Variants in CDK14 observed in about 807,000 individuals in gnomAD.
The protein encoded by CDK14 is cyclin-dependent kinase 14.
In CDK14, 34 loss-of-function variants were observed where a neutral mutation model predicts 60.7. The observed-to-expected ratio is 0.56, with a 90% CI of 0.43 to 0.75. The LOEUF is 0.75. Ranked by LOEUF, CDK14 falls within the 30% of genes least tolerant of loss-of-function variation. CDK14 has a pLI of 0.00. For synonymous variants in CDK14, 197 were observed against 203.7 expected (o/e 0.97, Z 0.28); for missense variants, 482 against 564.1 (o/e 0.85, Z 1.47).
At chr7:90,961,154 T>G (rs1451687671) in intron 9 of CDK14, among the ~76,000 whole-genome samples, 1 of 152,170 alleles carries the variant, frequency 6.6e-6, no homozygotes, top group Non-Finnish European at 1.5e-5. Context: ...AATTTGGTCT[T>G]TATTTTACCA....
At chr7:90,684,190 A>G (rs888372260) in intron 2 of CDK14, among the ~76,000 whole-genome samples, 8 of 152,222 alleles carry the variant, frequency 5.3e-5, no homozygotes, top group Non-Finnish European at 7.3e-5. Context: ...TAATAAAAAG[A>G]GTTTAGAGTT....
intron 10 of CDK14, among the ~76,000 whole-genome samples, chr7:91,017,587 A>G (rs1034531677): frequency 5.9e-5 from 9 of 152,294 alleles, no homozygotes; most frequent in African/African-American, 2.2e-4. Flanking sequence ...TGCTGCCTGA[A>G]TGATGGACTT....
At position 90,757,481 on chromosome 7, in the gene CDK14, G is replaced by T. The variant is rs375242660; in HGVS notation, c.464+9706G>T. Among the ~76,000 whole-genome samples the T allele has an allele frequency of 4.6e-5, 7 of 152,062 alleles. No individual in the cohort carries two copies. The East Asian group carries it at 1.2e-3, about 25-fold the overall frequency. On this transcript the variant is annotated intron_variant, in intron 4 of 14. Transcript: ENST00000380050. Reference sequence around the variant, plus strand: ...CTCACTAACTTGGCATTGCATTCATGACAGTGTTGTTCTTTTTCTGCCTGT... The same window carrying T: ...CTCACTAACTTGGCATTGCATTCATTACAGTGTTGTTCTTTTTCTGCCTGT...
intron 11 of CDK14, among the ~76,000 whole-genome samples, chr7:91,074,962 A>G (rs987196328): frequency 3.3e-5 from 5 of 152,236 alleles, no homozygotes; most frequent in Non-Finnish European, 7.3e-5. Flanking sequence ...ATCTCTGAAT[A>G]GACCAATAAC....
chr7:90,712,958 C>T (rs917100397), intron 2 of CDK14, among the ~76,000 whole-genome samples: 4 of 151,640 alleles, frequency 2.6e-5, no homozygotes, highest in Admixed American at 6.6e-5. Flanking sequence ...CATTAGCCAA[C>T]GTGAGAGGGA....
chr7:90,741,825 T>C (rs1286433981), intron 3 of CDK14, among the ~76,000 whole-genome samples: 2 of 152,260 alleles, frequency 1.3e-5, no homozygotes, highest in South Asian at 2.1e-4. Flanking sequence ...AGAAATAATA[T>C]TGAATTTGGA....
intron 5 of CDK14, among the ~76,000 whole-genome samples, chr7:90,841,645 CAT>C (rs962256749): frequency 1.3e-4 from 12 of 89,106 alleles, no homozygotes; most frequent in East Asian, 1.1e-3. Flanking sequence ...ATATTTTCAT[CAT>C]ATATATATAT....
chr7:90,803,456 G>T (rs1445074887), intron 5 of CDK14, among the ~76,000 whole-genome samples: 3 of 152,156 alleles, frequency 2.0e-5, no homozygotes, highest in African/African-American at 7.2e-5. Flanking sequence ...GGGACACTTG[G>T]TAGGGCTTTG....
chr7:90,728,449 C>A (rs550016448), intron 3 of CDK14, among the ~76,000 whole-genome samples: 1 of 151,476 alleles, frequency 6.6e-6, no homozygotes, highest in South Asian at 2.1e-4. Context: ...TAATTTTTAA[C>A]CCTTCAATTG....
chr7:91,090,879 C>T (rs184404781), intron 12 of CDK14, among the ~76,000 whole-genome samples: 97 of 152,086 alleles, frequency 6.4e-4, no homozygotes, highest in African/African-American at 2.2e-3. Context: ...CTCTGTCACT[C>T]GTCACCTGTT....
intron 5 of CDK14, among the ~76,000 whole-genome samples, chr7:90,837,484 T>C (rs1790146408): frequency 6.6e-6 from 1 of 151,996 alleles, no homozygotes; most frequent in Admixed American, 6.6e-5. Context: ...GAAATAAAAT[T>C]CTAGACAGCA....
At chr7:91,102,320 T>C (rs1347882018) in intron 12 of CDK14, among the ~76,000 whole-genome samples, 1 of 152,140 alleles carries the variant, frequency 6.6e-6, no homozygotes, top group African/African-American at 2.4e-5. Flanking sequence ...CCATAGTGAG[T>C]GTAATAGTAT....
At chr7:90,869,391 G>T (rs553055202) in intron 6 of CDK14, among the ~76,000 whole-genome samples, 1 of 152,192 alleles carries the variant, frequency 6.6e-6, no homozygotes, top group South Asian at 2.1e-4. Context: ...CAGGGCTGTG[G>T]CTTGCAGGGA....
At chr7:91,173,969 C>T (rs1248675348) in intron 14 of CDK14, among the ~76,000 whole-genome samples, 1 of 152,168 alleles carries the variant, frequency 6.6e-6, no homozygotes. Context: ...CTCAAGGAGG[C>T]CTGCCTGCCT....
chr7:91,122,602 C>T (rs545791408), intron 14 of CDK14, among the ~76,000 whole-genome samples: 6 of 152,246 alleles, frequency 3.9e-5, no homozygotes, highest in South Asian at 4.2e-4. Flanking sequence ...GACATTATGG[C>T]GGCTCACTTT....
chr7:90,946,993 C>G lies in CDK14; in HGVS notation c.827-8704C>G, dbSNP rs569519995. Among the ~76,000 whole-genome samples, 22 of 152,308 alleles carry G rather than the reference C, an allele frequency of 1.4e-4. No individual in the cohort carries two copies. In the South Asian group the frequency reaches 4.3e-3, roughly 30 times the overall value. On this transcript the variant is annotated intron_variant, in intron 8 of 14. Coordinates refer to ENST00000380050, the MANE Select transcript of CDK14 (RefSeq NM_001287135.2). ...AAACAAAACAAACCAACAGACAACGCAGATAAGAGTTGTTCTCATTTCAGC... is the reference window on the plus strand; with the variant it reads ...AAACAAAACAAACCAACAGACAACGGAGATAAGAGTTGTTCTCATTTCAGC...
intron 8 of CDK14, among the ~76,000 whole-genome samples, chr7:90,932,984 G>A (rs1321869560): frequency 6.6e-6 from 1 of 152,170 alleles, no homozygotes; most frequent in African/African-American, 2.4e-5. Context: ...ACCATTGTTG[G>A]TATCAAAAGT....
intron 2 of CDK14, among the ~76,000 whole-genome samples, chr7:90,682,070 G>A (rs1801328454): frequency 6.6e-6 from 1 of 152,054 alleles, no homozygotes. Context: ...TCCTTTACCT[G>A]TATCTGCATT....
At chr7:90,932,906 A>G (rs1039981092) in intron 8 of CDK14, among the ~76,000 whole-genome samples, 1 of 152,252 alleles carries the variant, frequency 6.6e-6, no homozygotes. Context: ...ACTCAAAGGA[A>G]GAATATTCCA....
Sources: allele counts gnomAD v4.1 joint callset (sites outside exome capture counted in the v4.1 genomes callset), GRCh38; gene constraint gnomAD v4.1.1; transcripts MANE v1.5; gene names NCBI Gene and HGNC (gene_info 2026-07-23, HGNC 2026-07-21).